Variants in RAD51B observed in about 807,000 individuals in gnomAD.
RAD51B encodes the protein RAD51 paralog B, also known as DNA repair protein RAD51 homolog 2.
In RAD51B, 38 loss-of-function variants were observed where a neutral mutation model predicts 42.2. The ratio of observed to expected loss-of-function variants is 0.90; its 90% CI spans 0.70 to 1.18. The LOEUF (loss-of-function observed/expected upper bound fraction) is 1.18, where lower values mean the gene tolerates loss of function less well. RAD51B is among the 50% of genes most tolerant of loss of function. The probability of loss-of-function intolerance (pLI) is 0.00; values close to 1 mark genes in which losing one functional copy is unlikely to be tolerated. For synonymous variants in RAD51B, 154 were observed against 145.2 expected, an observed-to-expected ratio of 1.06 and a Z score of -0.43; for missense variants, 373 against 400.7, an observed-to-expected ratio of 0.93 and a Z score of 0.59.
At chr14:68,083,539 A>C (rs1419363215) in intron 7 of RAD51B, among the ~76,000 whole-genome samples, 1 of 152,124 alleles carries the variant, frequency 6.6e-6, no homozygotes. Flanking sequence ...TTCTTAGCCT[A>C]CTCTGATGTT....
At chr14:68,429,738 A>C (rs540521693) in intron 9 of RAD51B, among the ~76,000 whole-genome samples, 10 of 152,152 alleles carry the variant, frequency 6.6e-5, no homozygotes, top group African/African-American at 2.4e-4. Flanking sequence ...GCTGTGCAGA[A>C]GCTCTTTAGT....
At chr14:68,210,229 G>A (rs879912561) in intron 7 of RAD51B, among the ~76,000 whole-genome samples, 8 of 152,126 alleles carry the variant, frequency 5.3e-5, no homozygotes, top group South Asian at 2.1e-4. Flanking sequence ...AAAGTGCTAG[G>A]ATTACAGGTG....
In RAD51B at chr14:68,648,059, G is replaced by A. The variant is rs1402023598; in HGVS notation, c.1037-2722G>A. 2.6e-4 allele frequency among the ~76,000 whole-genome samples: 26 copies of A among 100,788 alleles called. 1 individual carries two copies. The highest frequency in any genetic ancestry group is 8.1e-4 in the East Asian group (2 of 2,454). The allele number at this position is 100,788 out of a possible 152,430, so 66.1% of individuals were successfully genotyped here. On this transcript the variant is annotated intron_variant, in intron 10 of 11. Coordinates refer to the RAD51B transcript ENST00000488612. ...TATACACACGTATATAGATGTGTGT[G>A]TGTATATATATATACACGTATATAT...
intron 10 of RAD51B, chr14:68,496,990 C>A: frequency 1.2e-6 from 1 of 822,824 alleles, no homozygotes; most frequent in Non-Finnish European, 1.7e-6. Context: ...GAGGTTGGAA[C>A]AAACAGAATG....
At position 67,919,523 on chromosome 14, in the gene RAD51B, C is replaced by T. The variant is rs142436901; in HGVS notation, c.756+32319C>T. Among the ~76,000 whole-genome samples, 89 of 152,314 alleles carry T rather than the reference C, an allele frequency of 5.8e-4. 1 individual carries two copies. Among genetic ancestry groups the T allele is most frequent in the African/African-American group, 2.0e-3 (83 of 41,574 alleles). ...TCCATTAGTGCCTTCCATATATTTA[C>T]CTTTCCACGGTTTCCCACCTCTGGA... is the stretch of plus-strand genomic sequence containing the variant. On this transcript the variant is annotated intron_variant, in intron 7 of 10. Coordinates refer to ENST00000471583, the MANE Select transcript of RAD51B (RefSeq NM_133510.4).
chr14:68,272,257 C>T (rs1001285638), intron 7 of RAD51B, among the ~76,000 whole-genome samples: 3 of 152,068 alleles, frequency 2.0e-5, no homozygotes, highest in African/African-American at 7.2e-5. Context: ...CCACTTCCTT[C>T]TGCAGACTTA....
chr14:68,144,531 T>C (rs2767363), intron 7 of RAD51B, among the ~76,000 whole-genome samples: 2,397 of 152,360 alleles, frequency 0.016, 51 homozygotes, highest in African/African-American at 0.053. Flanking sequence ...TTGTCTTTTG[T>C]AGTAGAGCAT....
intron 7 of RAD51B, among the ~76,000 whole-genome samples, chr14:67,904,893 T>A (rs1474708595): frequency 6.6e-6 from 1 of 151,902 alleles, no homozygotes; most frequent in African/African-American, 2.4e-5. Context: ...GTTTCTTTTG[T>A]TGTAACAGAT....
At chr14:68,438,722 A>G (rs2085207554) in intron 9 of RAD51B, among the ~76,000 whole-genome samples, 1 of 152,148 alleles carries the variant, frequency 6.6e-6, no homozygotes, top group Admixed American at 6.5e-5. Flanking sequence ...AGAGTGTGGG[A>G]AAAATGAAAA....
chr14:67,873,189 G>A (rs1011335020), intron 5 of RAD51B, among the ~76,000 whole-genome samples: 200 of 152,152 alleles, frequency 1.3e-3, no homozygotes, highest in African/African-American at 4.6e-3. Flanking sequence ...CAACCTACTC[G>A]TCTGACAAAG....
At chr14:68,001,082 G>A (rs1011119050) in intron 7 of RAD51B, among the ~76,000 whole-genome samples, 1 of 151,954 alleles carries the variant, frequency 6.6e-6, no homozygotes, top group African/African-American at 2.4e-5. Context: ...TTATTCATGG[G>A]TTTTTAATAG....
At chr14:68,549,455 G>A (rs1888411795) in intron 10 of RAD51B, among the ~76,000 whole-genome samples, 3 of 96,464 alleles carry the variant, frequency 3.1e-5, no homozygotes, top group Non-Finnish European at 4.3e-5. Context: ...TCGCTCTGTC[G>A]CCCAGGCTGG....
intron 7 of RAD51B, among the ~76,000 whole-genome samples, chr14:67,996,412 T>TAAATA (rs946069724): frequency 6.8e-6 from 1 of 147,378 alleles, no homozygotes; most frequent in Non-Finnish European, 1.5e-5. Context: ...ATAACAACAA[T>TAAATA]AATAAATAAA....
chr14:68,270,759 A>T (rs1314324786), intron 7 of RAD51B, among the ~76,000 whole-genome samples: 1 of 152,168 alleles, frequency 6.6e-6, no homozygotes, highest in African/African-American at 2.4e-5. Context: ...TTGCCTAGAT[A>T]CAGCTACCAA....
At chr14:68,494,894 C>T (rs1445805769) in intron 10 of RAD51B, among the ~76,000 whole-genome samples, 1 of 152,028 alleles carries the variant, frequency 6.6e-6, no homozygotes, top group Non-Finnish European at 1.5e-5. Context: ...TCCATCAGGA[C>T]CCAGACATTG....
chr14:67,902,882 C>T (rs947228783), intron 7 of RAD51B, among the ~76,000 whole-genome samples: 1 of 151,932 alleles, frequency 6.6e-6, no homozygotes, highest in African/African-American at 2.4e-5. Context: ...TGGAGTCTTG[C>T]TCTGTCACCC....
At chr14:68,104,841 G>C (rs2077349816) in intron 7 of RAD51B, among the ~76,000 whole-genome samples, 1 of 152,098 alleles carries the variant, frequency 6.6e-6, no homozygotes, top group Non-Finnish European at 1.5e-5. Flanking sequence ...ACAGGTTGGG[G>C]CTTGTTAGCT....
At chr14:68,134,943 T>G (rs1325433553) in intron 7 of RAD51B, among the ~76,000 whole-genome samples, 1 of 152,202 alleles carries the variant, frequency 6.6e-6, no homozygotes, top group African/African-American at 2.4e-5. Flanking sequence ...GAAGATGATT[T>G]TATGTTATTT....
chr14:68,337,195 A>G (rs2082473654), intron 8 of RAD51B, among the ~76,000 whole-genome samples: 1 of 152,116 alleles, frequency 6.6e-6, no homozygotes, highest in African/African-American at 2.4e-5. Context: ...TTTTGCACAC[A>G]CCCACATCTT....
Sources: allele counts gnomAD v4.1 joint callset (sites outside exome capture counted in the v4.1 genomes callset), GRCh38; gene constraint gnomAD v4.1.1; transcripts MANE v1.5; gene names NCBI Gene and HGNC (gene_info 2026-07-23, HGNC 2026-07-21).